The following TNRC18 variants were observed in gnomAD, a reference collection of about 807,000 sequenced individuals.
The protein encoded by TNRC18 is trinucleotide repeat-containing gene 18 protein.
A neutral mutation model predicts 226.7 loss-of-function variants in TNRC18; 69 were observed. The ratio of observed to expected loss-of-function variants is 0.30; its 90% CI spans 0.25 to 0.37. TNRC18 has a LOEUF of 0.37. TNRC18 is among the 10% of genes least tolerant of loss of function. TNRC18 has a pLI of 1.00. For synonymous variants in TNRC18, 2,449 were observed against 1,927.6 expected, an observed-to-expected ratio of 1.27 and a Z score of -7.09; for missense variants, 4,754 against 4,256.6, an observed-to-expected ratio of 1.12 and a Z score of -3.25.
chr7:5,376,442 C>G (rs1350294768), intron 8 of TNRC18, among the ~76,000 whole-genome samples: 6 of 152,170 alleles, frequency 3.9e-5, no homozygotes, highest in Non-Finnish European at 7.4e-5. Flanking sequence ...CCTGTCCACA[C>G]CCGGGGTGGG....
chr7:5,419,663 G>C (rs564414268), intron 2 of TNRC18, among the ~76,000 whole-genome samples: 3 of 152,124 alleles, frequency 2.0e-5, no homozygotes, highest in African/African-American at 4.8e-5. Flanking sequence ...GCTCCGGAGG[G>C]ACACAAGCAG....
chr7:5,359,349 A>G (rs1442283383), intron 15 of TNRC18, 49 bp downstream of exon 15: 2 of 1,604,562 alleles, frequency 1.2e-6, no homozygotes, highest in East Asian at 4.5e-5. Flanking sequence ...CACACCCTCC[A>G]GACACCTCCC....
Position 5,387,989 on chromosome 7 carries a change from G to C in TNRC18, c.1835C>G (p.Pro612Arg), listed in dbSNP as rs1469650300. 6.3e-7 allele frequency: 1 copy of C among 1,591,806 alleles called. No homozygotes were observed. The highest frequency in any genetic ancestry group is 2.3e-5 in the East Asian group (1 of 43,744). ...TTTCATGGTGCCCAAACCTCCAAAG[G>C]GGCTCTTCTTGCCACAGCCACCAGG... Reference protein sequence around the residue: ...VRPGGCGKKSPFGGLGTMKPE... With the variant: ...VRPGGCGKKSRFGGLGTMKPE... The change falls in exon 5 of 30, where the codon CCC becomes CGC. Residue 612 changes from proline to arginine, a missense_variant. Pro to Arg is a moderately radical substitution (Grantham distance 103). Coordinates refer to ENST00000430969, the MANE Select transcript of TNRC18 (RefSeq NM_001080495.3).
At chr7:5,364,181 C>T (rs930672517) in intron 11 of TNRC18, among the ~76,000 whole-genome samples, 5 of 152,038 alleles carry the variant, frequency 3.3e-5, no homozygotes, top group Admixed American at 2.0e-4. Context: ...CACCTGTAGT[C>T]CCAGCTATTC....
chr7:5,385,505 AAAAAAAAAAAAAG>A (rs1779702662), intron 5 of TNRC18, among the ~76,000 whole-genome samples: 3 of 87,106 alleles, frequency 3.4e-5, no homozygotes, highest in Non-Finnish European at 7.0e-5. Context: ...AAAAAAAAAA[AAAAAAAAAAAAAG>A]AAAAAAAAAT....
At chr7:5,376,295 G>A (rs1794670249) in intron 8 of TNRC18, 71 bp from the exon 9 acceptor site, 1 of 1,308,676 alleles carries the variant, frequency 7.6e-7, no homozygotes, top group Non-Finnish European at 1.0e-6. Context: ...ACGAGGGGAA[G>A]CTGAAGCCAG....
chr7:5,335,739 G>C (rs1307229744), intron 18 of TNRC18, among the ~76,000 whole-genome samples: 1 of 149,964 alleles, frequency 6.7e-6, no homozygotes, highest in Non-Finnish European at 1.5e-5. Flanking sequence ...TCAGCAAAAA[G>C]TGATCTGAAC....
At position 5,412,430 on chromosome 7, in the gene TNRC18, G is replaced by C. The variant is rs71531303; in HGVS notation, c.187+8630C>G. Among the ~76,000 whole-genome samples the C allele has an allele frequency of 8.5e-5, 13 of 152,060 alleles. No homozygotes were observed. In the East Asian group the frequency reaches 2.1e-3, roughly 25 times the overall value. On this transcript the variant is annotated intron_variant, in intron 2 of 29. Coordinates refer to ENST00000430969, the MANE Select transcript of TNRC18 (RefSeq NM_001080495.3). ...ATCTCTACTAAAAATACAAAATTTA[G>C]CCGGGAGTGGTGGCAGGCGTGTGTA...
intron 1 of TNRC18, chr7:5,422,897 AAG>A (rs1169884532): frequency 6.6e-6 from 1 of 152,042 alleles, no homozygotes; most frequent in African/African-American, 2.4e-5. Context: ...TTTTTTTTGT[AAG>A]AGATTCTTTG....
In TNRC18 at chr7:5,335,957, A is replaced by C. The variant is rs570831896; in HGVS notation, c.5720-2908T>G. Among the ~76,000 whole-genome samples, 49 of 151,848 alleles carry C rather than the reference A, an allele frequency of 3.2e-4. 1 individual carries two copies. The South Asian group carries it at 9.0e-3, about 28-fold the overall frequency. On this transcript the variant is annotated intron_variant, in intron 18 of 29. Transcript: ENST00000430969. ...CACAGTGGCTCACACCTATAATCCC[A>C]GCACTTTGGGAGGCCAAGGCGGGCA...
At chr7:5,385,042 G>A (rs1050286700) in intron 5 of TNRC18, among the ~76,000 whole-genome samples, 1 of 152,268 alleles carries the variant, frequency 6.6e-6, no homozygotes, top group Non-Finnish European at 1.5e-5. Flanking sequence ...CTCGGCCAGA[G>A]ACAGGCCCGG....
In TNRC18 at chr7:5,370,439, A is replaced by T. The variant is rs943149546; in HGVS notation, c.4155T>A (p.His1385Gln). ...CGATCTCACTTAGCAGGGTGATGCC[A>T]TGCAGGAAGCTCTGCTCCAAGACAA... The part of the protein sequence containing the change: ...ESLVLEQSFL[H>Q]GITLLSEIAE... Residue 1385 changes from histidine to glutamine, a missense_variant, in exon 11 of 30, where the codon CAT (histidine) becomes CAA (glutamine). By Grantham distance (24) the His-to-Gln change is conservative. Transcript: ENST00000430969. 2 of 1,559,474 alleles carry T rather than the reference A, an allele frequency of 1.3e-6. No individual in the cohort carries two copies. The highest frequency in any genetic ancestry group is 1.7e-6 in the Non-Finnish European group (2 of 1,151,262).
chr7:5,399,529 A>C (rs1780933884), intron 2 of TNRC18, among the ~76,000 whole-genome samples: 1 of 151,412 alleles, frequency 6.6e-6, no homozygotes, highest in Non-Finnish European at 1.5e-5. Flanking sequence ...AGACATGGTA[A>C]AACCCCATCT....
At chr7:5,349,090 G>C (rs994385149) in intron 17 of TNRC18, among the ~76,000 whole-genome samples, 1 of 152,228 alleles carries the variant, frequency 6.6e-6, no homozygotes, top group African/African-American at 2.4e-5. Context: ...GGGGCTGCGG[G>C]GGGAGGGCGA....
intron 9 of TNRC18, 53 bp downstream of exon 9, chr7:5,375,981 C>A: frequency 2.7e-5 from 40 of 1,503,046 alleles, no homozygotes; most frequent in South Asian, 3.7e-5. Context: ...TCGTCTGCCT[C>A]GTCACCCATG....
At chr7:5,353,861 G>A (rs1486718007) in intron 16 of TNRC18, among the ~76,000 whole-genome samples, 2 of 152,184 alleles carry the variant, frequency 1.3e-5, no homozygotes, top group Admixed American at 1.3e-4. Flanking sequence ...CTCTCATCCA[G>A]GACAGTGGAG....
In TNRC18 at chr7:5,387,826, G is replaced by C; in HGVS notation, c.1998C>G (p.Arg666=). The C allele has an allele frequency of 6.2e-7, 1 of 1,606,346 alleles. No homozygotes were observed. The highest frequency in any genetic ancestry group is 2.2e-5 in the East Asian group (1 of 44,848). Residue 666 remains arginine, a synonymous_variant, in exon 5 of 30, where the codon CGC becomes CGG. Coordinates refer to ENST00000430969, the MANE Select transcript of TNRC18 (RefSeq NM_001080495.3). ...CCTCACCCTGGGCACCAGAGCCCTC[G>C]CGCCCGAAAGCTTTGGCGCTCTCGG... The part of the protein sequence containing the change: ...ERPESAKAFG[R]EGSGAQGEAE...
chr7:5,402,894 G>C (rs1465453254), intron 2 of TNRC18, among the ~76,000 whole-genome samples: 1 of 151,876 alleles, frequency 6.6e-6, no homozygotes, highest in Non-Finnish European at 1.5e-5. Flanking sequence ...GGGGGGGCAA[G>C]GTCCTGATTA....
At chr7:5,381,449 T>C (rs566506235) in intron 5 of TNRC18, among the ~76,000 whole-genome samples, 52 of 152,160 alleles carry the variant, frequency 3.4e-4, no homozygotes, top group African/African-American at 1.1e-3. Context: ...GAGCTCAGCT[T>C]CAAGTGCCAC....
Sources: allele counts gnomAD v4.1 joint callset (sites outside exome capture counted in the v4.1 genomes callset), GRCh38; gene constraint gnomAD v4.1.1; transcripts MANE v1.5; gene names NCBI Gene and HGNC (gene_info 2026-07-23, HGNC 2026-07-21).